Variants in SNTG1 observed in about 807,000 individuals in gnomAD.
The protein encoded by SNTG1 is gamma-1-syntrophin.
SNTG1 carries 39 observed loss-of-function variants against 74.7 expected under a neutral mutation model. That is an observed-to-expected ratio of 0.52 (90% confidence interval 0.40 to 0.68). The LOEUF (loss-of-function observed/expected upper bound fraction) is 0.68. Among genes scored for constraint, SNTG1 ranks in the 30% least tolerant of loss-of-function variants. The probability of loss-of-function intolerance (pLI) is 0.00; values close to 1 mark genes in which losing one functional copy is unlikely to be tolerated. For synonymous variants in SNTG1, 254 were observed against 217.1 expected, an observed-to-expected ratio of 1.17 and a Z score of -1.49; for missense variants, 685 against 609.5, an observed-to-expected ratio of 1.12 and a Z score of -1.30.
intron 1 of SNTG1, among the ~76,000 whole-genome samples, chr8:50,046,519 T>C (rs527616344): frequency 2.5e-4 from 38 of 152,326 alleles, no homozygotes; most frequent in African/African-American, 8.7e-4. Context: ...GTAAGTTAAT[T>C]CTACTCTTTT....
intron 18 of SNTG1, among the ~76,000 whole-genome samples, chr8:50,758,553 A>C (rs2131727046): frequency 6.6e-6 from 1 of 152,032 alleles, no homozygotes; most frequent in Non-Finnish European, 1.5e-5. Context: ...GCTCCCACTT[A>C]CGAGTGAGAA....
intron 13 of SNTG1, among the ~76,000 whole-genome samples, chr8:50,592,100 A>G (rs1250961822): frequency 6.6e-6 from 1 of 152,170 alleles, no homozygotes; most frequent in Non-Finnish European, 1.5e-5. Flanking sequence ...AGTTCAAGAT[A>G]GGTGTCATCC....
At chr8:50,605,135 T>C (rs2094803958) in intron 13 of SNTG1, among the ~76,000 whole-genome samples, 1 of 152,214 alleles carries the variant, frequency 6.6e-6, no homozygotes. Context: ...AAGTCCTGTT[T>C]ACTCTTCCTG....
chr8:50,483,420 T>A (rs1421282324), intron 8 of SNTG1, among the ~76,000 whole-genome samples: 1 of 152,146 alleles, frequency 6.6e-6, no homozygotes, highest in Non-Finnish European at 1.5e-5. Flanking sequence ...TTAAAATTAC[T>A]GGACTCTCAA....
At chr8:49,976,357 T>A (rs1812191718) in intron 1 of SNTG1, among the ~76,000 whole-genome samples, 1 of 152,236 alleles carries the variant, frequency 6.6e-6, no homozygotes, top group Non-Finnish European at 1.5e-5. Context: ...CCACTTATTC[T>A]CTGTGTTTTT....
intron 2 of SNTG1, among the ~76,000 whole-genome samples, chr8:50,367,911 C>A (rs2092161161): frequency 6.6e-6 from 1 of 152,092 alleles, no homozygotes. Context: ...GTGGACCTGG[C>A]TTGGCCTTGG....
intron 17 of SNTG1, among the ~76,000 whole-genome samples, chr8:50,732,310 T>G (rs940602602): frequency 6.6e-6 from 1 of 152,000 alleles, no homozygotes; most frequent in African/African-American, 2.4e-5. Context: ...TAAAGTATCT[T>G]GTCCAACACT....
At chr8:50,324,730 T>C (rs2090669664) in intron 2 of SNTG1, among the ~76,000 whole-genome samples, 3 of 152,150 alleles carry the variant, frequency 2.0e-5, no homozygotes, top group Admixed American at 6.5e-5. Context: ...GTGTCAATTG[T>C]AGAGCAGATA....
intron 18 of SNTG1, among the ~76,000 whole-genome samples, chr8:50,760,350 G>T (rs1208980356): frequency 6.6e-6 from 1 of 151,736 alleles, no homozygotes; most frequent in African/African-American, 2.4e-5. Context: ...TTGACTGATT[G>T]CCTGGTCAGA....
At chr8:50,219,516 A>C (rs2131976626) in intron 2 of SNTG1, among the ~76,000 whole-genome samples, 1 of 152,264 alleles carries the variant, frequency 6.6e-6, no homozygotes, top group African/African-American at 2.4e-5. Flanking sequence ...ATGGTTCCAC[A>C]GGTTGTACAG....
intron 1 of SNTG1, among the ~76,000 whole-genome samples, chr8:50,170,305 A>T (rs2082762154): frequency 6.6e-6 from 1 of 152,240 alleles, no homozygotes; most frequent in Non-Finnish European, 1.5e-5. Context: ...CCACAAATAC[A>T]TCTATATAAA....
At chr8:50,082,957 C>CT (rs1254540360) in intron 1 of SNTG1, among the ~76,000 whole-genome samples, 2 of 152,108 alleles carry the variant, frequency 1.3e-5, no homozygotes, top group South Asian at 2.1e-4. Context: ...CCACTGACCT[C>CT]TTTTTTCAAT....
chr8:50,765,116 G>A (rs1475140473), intron 18 of SNTG1, among the ~76,000 whole-genome samples: 1 of 151,988 alleles, frequency 6.6e-6, no homozygotes, highest in Admixed American at 6.6e-5. Flanking sequence ...GGGGAATGGA[G>A]AGATTTTGGT....
intron 1 of SNTG1, among the ~76,000 whole-genome samples, chr8:49,970,586 A>T (rs770441348): frequency 1.3e-5 from 2 of 152,122 alleles, no homozygotes. Context: ...AATCCAAATT[A>T]TATTTAGATG....
At chr8:50,565,175 C>G (rs1271521473) in intron 12 of SNTG1, among the ~76,000 whole-genome samples, 1 of 151,864 alleles carries the variant, frequency 6.6e-6, no homozygotes, top group Non-Finnish European at 1.5e-5. Context: ...CTGACAATGT[C>G]TTCAAAAATA....
chr8:50,627,251 A>G (rs186192045), intron 13 of SNTG1, among the ~76,000 whole-genome samples: 145 of 152,290 alleles, frequency 9.5e-4, no homozygotes, highest in African/African-American at 3.4e-3. Context: ...TTAATGACTA[A>G]AACTCAAGTT....
intron 2 of SNTG1, among the ~76,000 whole-genome samples, chr8:50,205,744 G>A (rs943375550): frequency 1.3e-5 from 2 of 152,200 alleles, no homozygotes; most frequent in Admixed American, 1.3e-4. Flanking sequence ...TAATTTTTGT[G>A]TAAGATGTAA....
At chr8:50,135,356 C>T (rs1351742693) in intron 1 of SNTG1, among the ~76,000 whole-genome samples, 4 of 152,114 alleles carry the variant, frequency 2.6e-5, no homozygotes, top group South Asian at 2.1e-4. Flanking sequence ...TAAAATATTA[C>T]ATAAGGAATG....
intron 2 of SNTG1, among the ~76,000 whole-genome samples, chr8:50,185,440 T>A (rs975097414): frequency 6.6e-6 from 1 of 152,212 alleles, no homozygotes; most frequent in Non-Finnish European, 1.5e-5. Flanking sequence ...GATAATGGAC[T>A]AATATACATG....
Sources: gnomAD v4.1 joint callset for allele counts (sites outside exome capture counted in the v4.1 genomes callset) on GRCh38, gnomAD v4.1.1 for gene constraint, MANE v1.5 for transcripts, NCBI Gene and HGNC (gene_info 2026-07-23, HGNC 2026-07-21) for gene names.